Variants in PTPRR observed in about 807,000 individuals in gnomAD.
PTPRR encodes the protein protein tyrosine phosphatase receptor type R, also known as receptor-type tyrosine-protein phosphatase R.
A neutral mutation model predicts 77.2 loss-of-function variants in PTPRR; 38 were observed. The ratio of observed to expected loss-of-function variants is 0.49; its 90% CI spans 0.38 to 0.65. PTPRR has a LOEUF of 0.65. PTPRR is among the 30% of genes least tolerant of loss of function. The pLI is 0.00. For synonymous variants in PTPRR, 299 were observed against 283.1 expected (o/e 1.06, Z -0.57); for missense variants, 744 against 799.2 (o/e 0.93, Z 0.83).
At chr12:70,796,461 A>C (rs1891515988) in intron 2 of PTPRR, among the ~76,000 whole-genome samples, 2 of 152,160 alleles carry the variant, frequency 1.3e-5, no homozygotes, top group Admixed American at 6.5e-5. Context: ...TGATTTATAA[A>C]TATGTGTTTT....
intron 6 of PTPRR, among the ~76,000 whole-genome samples, chr12:70,713,206 A>G (rs956428707): frequency 5.3e-4 from 81 of 152,140 alleles, no homozygotes; most frequent in African/African-American, 1.9e-3. Context: ...CGGTTCATCC[A>G]TGTTGTAGCA....
At chr12:70,763,031 A>G (rs982879191) in intron 3 of PTPRR, among the ~76,000 whole-genome samples, 7 of 151,870 alleles carry the variant, frequency 4.6e-5, no homozygotes, top group Non-Finnish European at 1.0e-4. Context: ...TCATCTCTCT[A>G]TATATCTTAG....
intron 10 of PTPRR, among the ~76,000 whole-genome samples, chr12:70,667,097 A>T (rs1887037915): frequency 2.0e-5 from 3 of 151,530 alleles, no homozygotes; most frequent in Non-Finnish European, 4.4e-5. Context: ...CTGGGACTAC[A>T]GGCGCCCGCC....
chr12:70,765,865 G>C (rs554467675), intron 2 of PTPRR, among the ~76,000 whole-genome samples: 9 of 152,122 alleles, frequency 5.9e-5, no homozygotes, highest in African/African-American at 1.9e-4. Flanking sequence ...CAAACATCTG[G>C]TGTTCTGCAG....
chr12:70,875,041 CA>C (rs139881594), intron 2 of PTPRR, among the ~76,000 whole-genome samples: 4,336 of 151,380 alleles, frequency 0.029, 101 homozygotes, highest in Non-Finnish European at 0.045. Flanking sequence ...TTCATATGGC[CA>C]AAAATAAAGG....
Position 70,682,027 on chromosome 12 carries a change from T to C in PTPRR, c.1497+2100A>G, listed in dbSNP as rs576359174. 2.7e-5 allele frequency among the ~76,000 whole-genome samples: 4 copies of C among 148,816 alleles called. No homozygotes were observed. The South Asian group carries it at 6.3e-4, about 23-fold the overall frequency. On this transcript the variant is annotated intron_variant, in intron 10 of 13. Transcript: ENST00000283228. ...ATATTAGTAGGCAGATTTATTTTTG[T>C]TGTTCACTTTTTTTTTTTTTTTTTT...
rs72472808 is a variant in PTPRR, at chr12:70,665,364, C to CTTTTTTTTTT, written c.1498-2769_1498-2760dup. On this transcript the variant is annotated intron_variant, in intron 10 of 13. Coordinates refer to ENST00000283228, the MANE Select transcript of PTPRR (RefSeq NM_002849.4). ...GATGTAACACAAAGCAATGCAAATTCTTTTTTTTTTTTTTTTTTTTTTTTT... is the reference window on the plus strand; with the variant it reads ...GATGTAACACAAAGCAATGCAAATTCTTTTTTTTTTTTTTTTTTTTTTTTTTTTTTTTTTT... Among the ~76,000 whole-genome samples the CTTTTTTTTTT allele has an allele frequency of 1.2e-3, 54 of 44,610 alleles. 4 individuals are homozygous for CTTTTTTTTTT. Among genetic ancestry groups the CTTTTTTTTTT allele is most frequent in the Non-Finnish European group, 1.8e-3 (40 of 22,422 alleles). The allele number at this position is 44,610 out of a possible 152,430, so 29.3% of individuals were successfully genotyped here. A position where few individuals can be genotyped will look rare whatever the true frequency, so the allele number is the denominator to read the frequency against.
chr12:70,734,091 C>T (rs1889781046), intron 6 of PTPRR, among the ~76,000 whole-genome samples: 3 of 152,300 alleles, frequency 2.0e-5, no homozygotes, highest in Non-Finnish European at 2.9e-5. Flanking sequence ...GGAAGCAAAG[C>T]TTATGCTGGG....
intron 13 of PTPRR, among the ~76,000 whole-genome samples, chr12:70,653,841 C>T (rs1886481341): frequency 6.6e-6 from 1 of 152,164 alleles, no homozygotes; most frequent in Admixed American, 6.5e-5. Context: ...CTCAGGCAGG[C>T]AATCTGTTTC....
intron 1 of PTPRR, among the ~76,000 whole-genome samples, chr12:70,898,538 A>C (rs1893475610): frequency 6.7e-6 from 1 of 148,552 alleles, no homozygotes; most frequent in Non-Finnish European, 1.5e-5. Context: ...AAAAATCCTT[A>C]ACCTATAAAT....
intron 2 of PTPRR, among the ~76,000 whole-genome samples, chr12:70,802,927 CAT>C (rs2137021982): frequency 6.6e-6 from 1 of 152,258 alleles, no homozygotes; most frequent in Non-Finnish European, 1.5e-5. Context: ...TTTTGGTCTA[CAT>C]ATGTCAAATT....
chr12:70,694,177 C>T (rs1888149891), intron 8 of PTPRR, among the ~76,000 whole-genome samples: 1 of 152,054 alleles, frequency 6.6e-6, no homozygotes, highest in African/African-American at 2.4e-5. Context: ...CATATCTACT[C>T]TGTGCTAGGT....
chr12:70,643,307 CTG>C (rs1160349808), intron 13 of PTPRR, among the ~76,000 whole-genome samples: 4 of 151,540 alleles, frequency 2.6e-5, no homozygotes, highest in African/African-American at 4.8e-5. Context: ...CTAATTTTTT[CTG>C]TGTGTGTGTG....
chr12:70,740,718 T>A (rs1196623013), intron 6 of PTPRR, among the ~76,000 whole-genome samples: 1 of 152,138 alleles, frequency 6.6e-6, no homozygotes, highest in African/African-American at 2.4e-5. Flanking sequence ...GATGAGAAAT[T>A]TATATGACAT....
chr12:70,796,654 T>C (rs1891520121), intron 2 of PTPRR, among the ~76,000 whole-genome samples: 1 of 151,936 alleles, frequency 6.6e-6, no homozygotes. Flanking sequence ...AGACATAAAG[T>C]AAACCATGAA....
At chr12:70,807,170 G>A (rs1342134836) in intron 2 of PTPRR, among the ~76,000 whole-genome samples, 1 of 152,174 alleles carries the variant, frequency 6.6e-6, no homozygotes, top group Non-Finnish European at 1.5e-5. Flanking sequence ...GAAGTAGAAA[G>A]TACAAAGCCA....
At chr12:70,658,660 AATAAAG>A (rs1886669746) in intron 12 of PTPRR, among the ~76,000 whole-genome samples, 1 of 152,150 alleles carries the variant, frequency 6.6e-6, no homozygotes, top group East Asian at 1.9e-4. Context: ...AACTATGGGA[AATAAAG>A]ATAGAGAGGT....
At chr12:70,776,907 G>C (rs1483462156) in intron 2 of PTPRR, among the ~76,000 whole-genome samples, 1 of 151,944 alleles carries the variant, frequency 6.6e-6, no homozygotes, top group African/African-American at 2.4e-5. Flanking sequence ...CAAAATTTAA[G>C]GTACAGATGG....
chr12:70,653,237 C>G (rs917648729), intron 13 of PTPRR, among the ~76,000 whole-genome samples: 2 of 152,138 alleles, frequency 1.3e-5, no homozygotes, highest in Non-Finnish European at 2.9e-5. Flanking sequence ...GCTTCTCCCC[C>G]TCAGAGTTAG....
Sources: allele counts gnomAD v4.1 joint callset (sites outside exome capture counted in the v4.1 genomes callset), GRCh38; gene constraint gnomAD v4.1.1; transcripts MANE v1.5; gene names NCBI Gene and HGNC (gene_info 2026-07-23, HGNC 2026-07-21).